The following SETBP1 variants were observed in gnomAD, a reference collection of about 807,000 sequenced individuals.
SETBP1 encodes SET binding protein 1, also known as SET-binding protein.
Under a neutral mutation model 101.0 loss-of-function variants are expected in SETBP1, and 9 were observed. That is an observed-to-expected ratio of 0.09 (90% confidence interval 0.05 to 0.16). SETBP1 has a LOEUF of 0.16. Ranked by LOEUF, SETBP1 falls within the 10% of genes least tolerant of loss-of-function variation. The pLI is 1.00. For synonymous variants in SETBP1, 818 were observed against 788.5 expected, an observed-to-expected ratio of 1.04 and a Z score of -0.63; for missense variants, 1,858 against 2,033.8, an observed-to-expected ratio of 0.91 and a Z score of 1.66.
chr18:44,913,532 G>T (rs1174191914), intron 3 of SETBP1, among the ~76,000 whole-genome samples: 1 of 152,232 alleles, frequency 6.6e-6, no homozygotes, highest in Non-Finnish European at 1.5e-5. Flanking sequence ...AGGACTTAAA[G>T]CTGGGTACAA....
intron 2 of SETBP1, among the ~76,000 whole-genome samples, chr18:44,734,728 G>A (rs908615711): frequency 2.6e-5 from 4 of 151,936 alleles, no homozygotes; most frequent in East Asian, 1.9e-4. Flanking sequence ...GCACCTCTCC[G>A]CAGTAACAGT....
At chr18:44,891,642 G>T (rs1459182307) in intron 3 of SETBP1, among the ~76,000 whole-genome samples, 1 of 151,200 alleles carries the variant, frequency 6.6e-6, no homozygotes, top group Non-Finnish European at 1.5e-5. Context: ...TTCTATTCCT[G>T]AAAAAAAAAT....
chr18:44,759,508 C>T (rs1251764413), intron 2 of SETBP1, among the ~76,000 whole-genome samples: 3 of 152,168 alleles, frequency 2.0e-5, no homozygotes, highest in African/African-American at 7.2e-5. Flanking sequence ...TGACTCTTGT[C>T]AGTTTCGTTC....
intron 5 of SETBP1, among the ~76,000 whole-genome samples, chr18:45,044,178 G>A (rs545395323): frequency 6.6e-6 from 1 of 152,240 alleles, no homozygotes; most frequent in South Asian, 2.1e-4. Context: ...AACATCCAGG[G>A]ACCATAAATA....
intron 2 of SETBP1, among the ~76,000 whole-genome samples, chr18:44,784,274 T>A (rs1179722071): frequency 1.3e-5 from 2 of 152,246 alleles, no homozygotes; most frequent in African/African-American, 4.8e-5. Context: ...GTCCCCATCT[T>A]TTTTCATTCA....
At chr18:44,725,698 G>T (rs971284934) in intron 2 of SETBP1, among the ~76,000 whole-genome samples, 8 of 152,088 alleles carry the variant, frequency 5.3e-5, no homozygotes, top group Non-Finnish European at 2.9e-5. Flanking sequence ...GTGAGGTTGT[G>T]GCAGAGCTGG....
chr18:44,998,839 C>T (rs1284531108), intron 4 of SETBP1, among the ~76,000 whole-genome samples: 1 of 152,144 alleles, frequency 6.6e-6, no homozygotes, highest in East Asian at 1.9e-4. Context: ...TCTAAAATAG[C>T]CCTAACAGAA....
rs900160063 is a variant in SETBP1 at position 45,067,899 on chromosome 18, T to C, written c.*4201T>C. 1.3e-5 allele frequency: 2 copies of C among 152,192 alleles called. No homozygotes were observed. The highest frequency in any genetic ancestry group is 4.8e-5 in the African/African-American group (2 of 41,446). The allele number at this position is 152,192 out of a possible 1,614,324, so 9.4% of individuals were successfully genotyped here. ...GAAATTGAAAGGAGCTGCCAACTGG[T>C]CAACGTGGAAGGGCGGTTCCACCCT... On this transcript the variant is annotated 3_prime_UTR_variant, in exon 6 of 6. Coordinates refer to ENST00000649279, the MANE Select transcript of SETBP1 (RefSeq NM_015559.3).
At chr18:44,742,670 G>A (rs1238210432) in intron 2 of SETBP1, among the ~76,000 whole-genome samples, 6 of 152,174 alleles carry the variant, frequency 3.9e-5, no homozygotes, top group African/African-American at 7.2e-5. Context: ...CACCAAGTAC[G>A]CATTAGCCCC....
chr18:45,063,060 A>T lies in SETBP1; in HGVS notation c.4172-19A>T. 1 of 1,613,648 alleles carries T rather than the reference A, an allele frequency of 6.2e-7. No homozygotes were observed. The highest frequency in any genetic ancestry group is 8.5e-7 in the Non-Finnish European group (1 of 1,180,004). ...CCTTGCATCCTGTGCTCAATTTCTT[A>T]TCTCTTCCCCTCCCGCAGTCGGCTC... On this transcript the variant is annotated intron_variant, in intron 5 of 5. Transcript: ENST00000649279.
intron 4 of SETBP1, among the ~76,000 whole-genome samples, chr18:44,981,796 C>T (rs1045950393): frequency 4.6e-5 from 7 of 152,114 alleles, no homozygotes; most frequent in Non-Finnish European, 4.4e-5. Flanking sequence ...AAGAAGGCAA[C>T]CAGATTTGAT....
intron 1 of SETBP1, among the ~76,000 whole-genome samples, chr18:44,686,254 C>A (rs917589707): frequency 6.6e-6 from 1 of 152,262 alleles, no homozygotes; most frequent in Non-Finnish European, 1.5e-5. Context: ...CCCTGCCTGG[C>A]AGCCTGCAGC....
At chr18:44,839,073 TA>T (rs11295119) in intron 2 of SETBP1, among the ~76,000 whole-genome samples, 57,967 of 146,222 alleles carry the variant, frequency 0.4, 11,294 homozygotes, top group South Asian at 0.53. Flanking sequence ...CTTAATATCT[TA>T]AAAAAAAAAA....
At chr18:44,914,136 A>T (rs1222545581) in intron 3 of SETBP1, among the ~76,000 whole-genome samples, 1 of 152,172 alleles carries the variant, frequency 6.6e-6, no homozygotes, top group Non-Finnish European at 1.5e-5. Context: ...CCTTTCTTTC[A>T]TACTCTTTGT....
At chr18:44,788,467 G>A (rs1467232870) in intron 2 of SETBP1, among the ~76,000 whole-genome samples, 1 of 152,176 alleles carries the variant, frequency 6.6e-6, no homozygotes, top group Non-Finnish European at 1.5e-5. Context: ...GGGACCCTGT[G>A]GAAGGTTCTC....
chr18:44,964,821 T>C (rs1273355111), intron 4 of SETBP1, among the ~76,000 whole-genome samples: 1 of 152,210 alleles, frequency 6.6e-6, no homozygotes, highest in African/African-American at 2.4e-5. Context: ...CTTTGCCTCC[T>C]CTTTTCTCCA....
chr18:44,942,322 G>A (rs1191232240), intron 3 of SETBP1, among the ~76,000 whole-genome samples: 3 of 152,178 alleles, frequency 2.0e-5, no homozygotes, highest in African/African-American at 7.2e-5. Context: ...ATAGCCCCCA[G>A]TAGCTAATCT....
chr18:45,003,181 T>C (rs2072651628), intron 4 of SETBP1, among the ~76,000 whole-genome samples: 1 of 152,314 alleles, frequency 6.6e-6, no homozygotes, highest in East Asian at 1.9e-4. Context: ...CCTCATCCTC[T>C]GAGAAAACAA....
chr18:44,912,971 CA>C (rs2070347848), intron 3 of SETBP1, among the ~76,000 whole-genome samples: 1 of 152,134 alleles, frequency 6.6e-6, no homozygotes, highest in African/African-American at 2.4e-5. Context: ...AACCACAAAC[CA>C]AAAAGTTCCC....
Sources: gnomAD v4.1 joint callset for allele counts (sites outside exome capture counted in the v4.1 genomes callset) on GRCh38, gnomAD v4.1.1 for gene constraint, MANE v1.5 for transcripts, NCBI Gene and HGNC (gene_info 2026-07-23, HGNC 2026-07-21) for gene names.